Variants in COL27A1 observed in about 807,000 individuals in gnomAD.
The protein encoded by COL27A1 is collagen alpha-1(XXVII) chain.
A neutral mutation model predicts 251.3 loss-of-function variants in COL27A1; 106 were observed. The ratio of observed to expected loss-of-function variants is 0.42; its 90% CI spans 0.36 to 0.50. COL27A1 has a LOEUF of 0.50. Among genes scored for constraint, COL27A1 ranks in the 20% least tolerant of loss-of-function variants. The pLI is 0.00. For synonymous variants in COL27A1, 1,000 were observed against 986.3 expected (o/e 1.01, Z -0.26); for missense variants, 2,325 against 2,522.8 (o/e 0.92, Z 1.68).
intron 27 of COL27A1, among the ~76,000 whole-genome samples, chr9:114,255,861 G>T (rs1004313731): frequency 1.3e-5 from 2 of 152,236 alleles, no homozygotes; most frequent in African/African-American, 4.8e-5. Flanking sequence ...CTGGCTCCCC[G>T]ACTTGCCGGC....
chr9:114,167,677 C>T lies in COL27A1; in HGVS notation c.134-12C>T. 1.3e-6 allele frequency: 2 copies of T among 1,598,770 alleles called. No individual in the cohort carries two copies. The highest frequency in any genetic ancestry group is 1.7e-6 in the Non-Finnish European group (2 of 1,170,198). ...CCTGACTGCGTCCTCTCCCCTTTTC[C>T]CTCCCTCTCAGATGTGGACATCCTC... On this transcript the variant is annotated splice_polypyrimidine_tract_variant and intron_variant, in intron 2 of 60. Transcript: ENST00000356083.
At chr9:114,237,893 G>T (rs1832505110) in intron 19 of COL27A1, among the ~76,000 whole-genome samples, 178 bp downstream of exon 19, 1 of 152,212 alleles carries the variant, frequency 6.6e-6, no homozygotes, top group African/African-American at 2.4e-5. Context: ...CTGCTCTTCT[G>T]CTCTTACTCA....
At chr9:114,300,010 G>A in intron 49 of COL27A1, 60 bp from the exon 50 acceptor site, 1 of 1,558,186 alleles carries the variant, frequency 6.4e-7, no homozygotes, top group South Asian at 1.1e-5. Flanking sequence ...GTCCCAGGTG[G>A]CTGGCGGGAC....
chr9:114,288,895 G>T lies in COL27A1; in HGVS notation c.4099-19G>T, dbSNP rs775839066. 9 of 1,613,640 alleles carry T rather than the reference G, an allele frequency of 5.6e-6. No homozygotes were observed. The highest frequency in any genetic ancestry group is 6.8e-6 in the Non-Finnish European group (8 of 1,179,924). On this transcript the variant is annotated intron_variant, in intron 43 of 60. Transcript: ENST00000356083. Reference sequence around the variant, plus strand: ...TCTGCAGGATGGGCCCCCCTCACCTGTCTCTCTTTGGCTTCCAGGGACAGG... The same window carrying T: ...TCTGCAGGATGGGCCCCCCTCACCTTTCTCTCTTTGGCTTCCAGGGACAGG...
chr9:114,200,867 C>A (rs949161003), intron 7 of COL27A1, among the ~76,000 whole-genome samples: 1 of 152,182 alleles, frequency 6.6e-6, no homozygotes, highest in African/African-American at 2.4e-5. Flanking sequence ...GCTAAGCAAG[C>A]TTGGTGAGTT....
At position 114,311,115 on chromosome 9, in the gene COL27A1, A is replaced by G. The variant is rs1829413202; in HGVS notation, c.*420A>G. On this transcript the variant is annotated 3_prime_UTR_variant, in exon 61 of 61. Transcript: ENST00000356083. ...CAATATTAGAAAGGAGACATGAAAAAAGGAGAAAAGGAAAGACAGAAGTGT... is the reference window on the plus strand; with the variant it reads ...CAATATTAGAAAGGAGACATGAAAAGAGGAGAAAAGGAAAGACAGAAGTGT... 1.8e-5 allele frequency: 3 copies of G among 163,402 alleles called. No homozygotes were observed. The allele number at this position is 163,402 out of a possible 1,614,324, so 10.1% of individuals were successfully genotyped here.
In COL27A1 at chr9:114,168,442, C is replaced by T. The variant is rs369421502; in HGVS notation, c.887C>T (p.Thr296Met). The T allele has an allele frequency of 1.4e-5, 23 of 1,613,744 alleles. No individual in the cohort carries two copies. Among genetic ancestry groups the T allele is most frequent in the African/African-American group, 1.1e-4 (8 of 74,920 alleles). The change falls in exon 3 of 61, where the codon ACG becomes ATG. Residue 296 changes from threonine (T) to methionine (M), a missense_variant. Physicochemically the swap from Thr to Met is moderately conservative, Grantham distance 81. Around this residue, in one of 4 missense-constraint regions of COL27A1, gnomAD observed 1,183 missense variants for 1,144.1 expected, o/e 1.03. Transcript: ENST00000356083. ...RGPRGTVAPA[T>M]PTKPQRTSPT... ...CCCAGGGGGACTGTGGCACCCGCCA[C>T]GCCCACCAAGCCCCAAAGGACTAGC...
chr9:114,265,610 G>A, intron 32 of COL27A1, 135 bp downstream of exon 32: 4 of 817,838 alleles, frequency 4.9e-6, no homozygotes, highest in East Asian at 2.7e-5. Flanking sequence ...AGGCCTTGGG[G>A]TTGGTGGCGA....
intron 48 of COL27A1, 99 bp downstream of exon 48, chr9:114,291,016 T>G (rs2131627963): frequency 1.3e-6 from 1 of 789,112 alleles, no homozygotes; most frequent in South Asian, 1.9e-5. Context: ...TCCCAGGGCC[T>G]GTGTGAAAAT....
At chr9:114,175,435 A>C (rs547034963) in intron 3 of COL27A1, among the ~76,000 whole-genome samples, 5 of 152,332 alleles carry the variant, frequency 3.3e-5, no homozygotes, top group Admixed American at 2.6e-4. Context: ...GCCAGGGGGC[A>C]CCCGTGCTCG....
At chr9:114,222,357 G>T in intron 14 of COL27A1, 90 bp downstream of exon 14, 6 of 1,294,036 alleles carry the variant, frequency 4.6e-6, no homozygotes, top group Non-Finnish European at 5.5e-6. Flanking sequence ...AGGCCCTGCA[G>T]GGGAGGTTGA....
chr9:114,213,363 GTTC>G (rs1174726489), intron 12 of COL27A1, among the ~76,000 whole-genome samples: 1 of 152,110 alleles, frequency 6.6e-6, no homozygotes, highest in Non-Finnish European at 1.5e-5. Context: ...ATGTACCTGT[GTTC>G]TTCTTGGAGC....
intron 27 of COL27A1, among the ~76,000 whole-genome samples, chr9:114,258,205 G>A (rs994710828): frequency 6.6e-6 from 1 of 152,186 alleles, no homozygotes; most frequent in Non-Finnish European, 1.5e-5. Flanking sequence ...TGAATGAATG[G>A]CATCGTATCT....
intron 7 of COL27A1, among the ~76,000 whole-genome samples, chr9:114,204,733 A>G (rs1041988593): frequency 3.9e-5 from 6 of 152,122 alleles, no homozygotes; most frequent in African/African-American, 1.2e-4. Flanking sequence ...TTACTCCTCC[A>G]TTGACAAATC....
Sources: allele counts gnomAD v4.1 joint callset (sites outside exome capture counted in the v4.1 genomes callset), GRCh38; gene constraint gnomAD v4.1.1; regional missense constraint gnomAD v4.1.1; transcripts MANE v1.5; gene names NCBI Gene and HGNC (gene_info 2026-07-23, HGNC 2026-07-21).